The following ITPR2 variants were observed in gnomAD, a reference collection of about 807,000 sequenced individuals.
The protein encoded by ITPR2 is inositol 1,4,5-trisphosphate-gated calcium channel ITPR2.
In ITPR2, 207 loss-of-function variants were observed where a neutral mutation model predicts 317.1. That is an observed-to-expected ratio of 0.65 (90% CI 0.58 to 0.73). ITPR2 has a LOEUF of 0.73. Among genes scored for constraint, ITPR2 ranks in the 30% least tolerant of loss-of-function variants. ITPR2 has a pLI of 0.00. For synonymous variants in ITPR2, 1,156 were observed against 1,149.1 expected, an observed-to-expected ratio of 1.01 and a Z score of -0.12; for missense variants, 2,613 against 3,284.0, an observed-to-expected ratio of 0.80 and a Z score of 4.99.
At chr12:26,590,247 T>A (rs2137099134) in intron 32 of ITPR2, among the ~76,000 whole-genome samples, 1 of 152,350 alleles carries the variant, frequency 6.6e-6, no homozygotes, top group East Asian at 1.9e-4. Context: ...GATCTTCATT[T>A]TCTTCAAGTT....
intron 55 of ITPR2, among the ~76,000 whole-genome samples, chr12:26,360,039 GAGA>G (rs1214166661): frequency 1.3e-5 from 2 of 152,078 alleles, no homozygotes; most frequent in East Asian, 1.9e-4. Context: ...GACACACAAA[GAGA>G]AGAAGGAGGC....
At chr12:26,567,092 G>A (rs1303511215) in intron 34 of ITPR2, among the ~76,000 whole-genome samples, 1 of 152,124 alleles carries the variant, frequency 6.6e-6, no homozygotes, top group African/African-American at 2.4e-5. Flanking sequence ...AACAAATTGG[G>A]GAGGAGATTG....
chr12:26,728,410 T>G (rs1187181307), intron 2 of ITPR2, among the ~76,000 whole-genome samples: 4 of 152,190 alleles, frequency 2.6e-5, no homozygotes, highest in Admixed American at 2.6e-4. Flanking sequence ...CCTTTCCATT[T>G]CAGGGCCTTA....
intron 1 of ITPR2, among the ~76,000 whole-genome samples, chr12:26,813,911 T>G (rs193091025): frequency 6.6e-6 from 1 of 152,212 alleles, no homozygotes; most frequent in South Asian, 2.1e-4. Flanking sequence ...TGATTTTATT[T>G]GGCCACAGTG....
chr12:26,805,700 T>C (rs1367285053), intron 1 of ITPR2, among the ~76,000 whole-genome samples: 2 of 32,746 alleles, frequency 6.1e-5, no homozygotes, highest in East Asian at 1.8e-3. Context: ...GGATAAACAC[T>C]ATAGAAAAAA....
rs1942902443 is a variant in ITPR2, at chr12:26,495,097, A to G, written c.5182+55T>C. The stretch of plus-strand genomic sequence containing the variant: ...TCAGTAAAATACTAGAGTAACACTG[A>G]CATGAAGATGTATCATGAGAATCCT... On this transcript the variant is annotated intron_variant, in intron 38 of 56. Coordinates refer to ENST00000381340, the MANE Select transcript of ITPR2 (RefSeq NM_002223.4). 3.3e-6 allele frequency: 3 copies of G among 900,548 alleles called. 1 individual carries two copies. Among genetic ancestry groups the G allele is most frequent in the Non-Finnish European group, 5.7e-6 (3 of 530,542 alleles). The allele number at this position is 900,548 out of a possible 1,614,324, so 55.8% of individuals were successfully genotyped here. A position where few individuals can be genotyped will look rare whatever the true frequency, so the allele number is the denominator to read the frequency against.
intron 26 of ITPR2, among the ~76,000 whole-genome samples, chr12:26,616,231 G>A (rs1028443646): frequency 5.9e-5 from 9 of 151,878 alleles, no homozygotes; most frequent in African/African-American, 1.9e-4. Context: ...TCCGCCTCCC[G>A]GGTTCACGCC....
At chr12:26,371,472 TAAC>T (rs1211832252) in intron 55 of ITPR2, among the ~76,000 whole-genome samples, 1 of 152,144 alleles carries the variant, frequency 6.6e-6, no homozygotes, top group Non-Finnish European at 1.5e-5. Flanking sequence ...GAAAAACAGG[TAAC>T]AACTCCACAG....
chr12:26,620,617 T>C (rs922760376), intron 26 of ITPR2, among the ~76,000 whole-genome samples: 2 of 152,162 alleles, frequency 1.3e-5, no homozygotes, highest in Non-Finnish European at 2.9e-5. Context: ...AAAAAGCCAA[T>C]ACAACAGAAG....
intron 9 of ITPR2, among the ~76,000 whole-genome samples, chr12:26,708,469 C>T (rs1948594574): frequency 2.6e-5 from 4 of 152,134 alleles, no homozygotes; most frequent in Admixed American, 2.6e-4. Context: ...AACTGGAGGA[C>T]ATTATGTTAA....
intron 21 of ITPR2, chr12:26,648,875 T>C (rs1947175411): frequency 6.6e-6 from 1 of 152,222 alleles, no homozygotes; most frequent in Admixed American, 6.5e-5. Flanking sequence ...AAAGTGTTTC[T>C]TCTTGCTTCT....
At chr12:26,524,078 A>G (rs1252176124) in intron 37 of ITPR2, among the ~76,000 whole-genome samples, 1 of 152,250 alleles carries the variant, frequency 6.6e-6, no homozygotes. Context: ...AAAACCAGTC[A>G]CACAGTACAC....
chr12:26,485,353 G>A (rs1297741176), intron 41 of ITPR2, among the ~76,000 whole-genome samples: 1 of 152,120 alleles, frequency 6.6e-6, no homozygotes, highest in African/African-American at 2.4e-5. Flanking sequence ...CCAGTAAACT[G>A]TTCAATCAGA....
At chr12:26,698,345 T>C (rs1460773663) in intron 9 of ITPR2, among the ~76,000 whole-genome samples, 10 of 152,132 alleles carry the variant, frequency 6.6e-5, no homozygotes, top group Non-Finnish European at 1.5e-4. Flanking sequence ...ATAAACTAAA[T>C]GTGGCATATT....
At chr12:26,413,331 C>T (rs890108173) in intron 51 of ITPR2, among the ~76,000 whole-genome samples, 4 of 152,318 alleles carry the variant, frequency 2.6e-5, no homozygotes, top group South Asian at 2.1e-4. Context: ...CCCCTCATTG[C>T]TCCCACCAAC....
chr12:26,666,551 C>CT (rs1418524960), intron 13 of ITPR2, among the ~76,000 whole-genome samples: 4 of 152,222 alleles, frequency 2.6e-5, no homozygotes, highest in African/African-American at 9.6e-5. Context: ...CTTTTTCTTT[C>CT]TTTTTTTACT....
At chr12:26,379,502 ACC>A (rs1253696274) in intron 55 of ITPR2, among the ~76,000 whole-genome samples, 1 of 152,186 alleles carries the variant, frequency 6.6e-6, no homozygotes, top group Non-Finnish European at 1.5e-5. Context: ...TATACCCAGT[ACC>A]AATATTTAGC....
chr12:26,752,025 A>C (rs972098508), intron 2 of ITPR2, among the ~76,000 whole-genome samples: 1 of 152,254 alleles, frequency 6.6e-6, no homozygotes, highest in African/African-American at 2.4e-5. Flanking sequence ...TTAACAATTA[A>C]TTTTCATGGG....
At position 26,629,041 on chromosome 12, in the gene ITPR2, T is replaced by G. The variant is rs897602050; in HGVS notation, c.2935-879A>C. On this transcript the variant is annotated intron_variant, in intron 22 of 56. Coordinates refer to ENST00000381340, the MANE Select transcript of ITPR2 (RefSeq NM_002223.4). ...AATGGTGCCCCTACATTCTCAAAAG[T>G]GTCGTATTTGGACAGTAAACAATGT... Among the ~76,000 whole-genome samples, 37 of 152,298 alleles carry G rather than the reference T, an allele frequency of 2.4e-4. 1 individual carries two copies. Among genetic ancestry groups the G allele is most frequent in the South Asian group, 1.5e-3 (7 of 4,824 alleles).
Sources: gnomAD v4.1 joint callset for allele counts (sites outside exome capture counted in the v4.1 genomes callset) on GRCh38, gnomAD v4.1.1 for gene constraint, MANE v1.5 for transcripts, NCBI Gene and HGNC (gene_info 2026-07-23, HGNC 2026-07-21) for gene names.